Variants in GPC6 observed in about 807,000 individuals in gnomAD.
GPC6 encodes the protein glypican-6.
In GPC6, 14 loss-of-function variants were observed where a neutral mutation model predicts 55.2. The ratio of observed to expected loss-of-function variants is 0.25; its 90% CI spans 0.17 to 0.40. GPC6 has a LOEUF of 0.40. GPC6 is among the 10% of genes least tolerant of loss of function. GPC6 has a pLI of 1.00. For synonymous variants in GPC6, 278 were observed against 259.6 expected, an observed-to-expected ratio of 1.07 and a Z score of -0.68; for missense variants, 641 against 708.5, an observed-to-expected ratio of 0.90 and a Z score of 1.08.
At chr13:94,073,539 G>T (rs1282303265) in intron 4 of GPC6, among the ~76,000 whole-genome samples, 1 of 152,102 alleles carries the variant, frequency 6.6e-6, no homozygotes, top group Non-Finnish European at 1.5e-5. Flanking sequence ...CCATTTTAAT[G>T]TCCTCCCTCT....
chr13:93,324,694 G>T (rs1879589726), intron 1 of GPC6, among the ~76,000 whole-genome samples: 1 of 151,320 alleles, frequency 6.6e-6, no homozygotes, highest in Non-Finnish European at 1.5e-5. Flanking sequence ...TAAAAAGTGT[G>T]ACAGTTGAGC....
At chr13:94,300,325 A>C (rs775518097) in intron 5 of GPC6, among the ~76,000 whole-genome samples, 4 of 152,214 alleles carry the variant, frequency 2.6e-5, no homozygotes, top group Non-Finnish European at 4.4e-5. Context: ...AAGAGTGGGC[A>C]CCTTAGTTTA....
chr13:93,607,519 C>T (rs1318231174), intron 2 of GPC6, among the ~76,000 whole-genome samples: 2 of 152,118 alleles, frequency 1.3e-5, no homozygotes, highest in Non-Finnish European at 2.9e-5. Flanking sequence ...AATTTTCCTT[C>T]CTTGTATTCC....
chr13:93,506,131 A>T (rs1485775335), intron 1 of GPC6, among the ~76,000 whole-genome samples: 2 of 152,130 alleles, frequency 1.3e-5, no homozygotes, highest in Admixed American at 6.5e-5. Flanking sequence ...CTGGTTTGGT[A>T]TGTTAGCATA....
chr13:93,885,336 C>T (rs1875257410), intron 3 of GPC6, among the ~76,000 whole-genome samples: 1 of 149,794 alleles, frequency 6.7e-6, no homozygotes, highest in African/African-American at 2.5e-5. Flanking sequence ...ATTATTTTTG[C>T]TACCAGACAA....
intron 4 of GPC6, among the ~76,000 whole-genome samples, chr13:94,229,979 G>T (rs1200801185): frequency 6.6e-6 from 1 of 152,196 alleles, no homozygotes; most frequent in Non-Finnish European, 1.5e-5. Context: ...TGAACAGGAA[G>T]CCAGGGATGG....
intron 1 of GPC6, among the ~76,000 whole-genome samples, chr13:93,387,286 G>A (rs547557179): frequency 3.9e-5 from 6 of 152,104 alleles, no homozygotes; most frequent in South Asian, 2.1e-4. Context: ...TTTAAGGCCC[G>A]CATGCACCAG....
chr13:94,347,562 A>G (rs1021951059), intron 6 of GPC6, among the ~76,000 whole-genome samples: 1 of 152,210 alleles, frequency 6.6e-6, no homozygotes, highest in South Asian at 2.1e-4. Flanking sequence ...TGAATCCACT[A>G]GTATTTTTTA....
intron 4 of GPC6, among the ~76,000 whole-genome samples, chr13:94,168,875 A>T (rs1888462770): frequency 6.6e-6 from 1 of 152,092 alleles, no homozygotes; most frequent in Admixed American, 6.5e-5. Flanking sequence ...GCTGTGGGTA[A>T]GTAGGCCCTG....
At chr13:93,522,366 A>G (rs1293826932) in intron 1 of GPC6, among the ~76,000 whole-genome samples, 1 of 151,988 alleles carries the variant, frequency 6.6e-6, no homozygotes, top group African/African-American at 2.4e-5. Flanking sequence ...AATTCATTTC[A>G]TCATTAAGTT....
At chr13:93,330,844 C>T (rs931040074) in intron 1 of GPC6, among the ~76,000 whole-genome samples, 30 of 152,182 alleles carry the variant, frequency 2.0e-4, no homozygotes, top group African/African-American at 7.2e-4. Context: ...CAAATCCCAA[C>T]AAAATGATTG....
At chr13:93,783,584 ATC>A (rs1566533484) in intron 2 of GPC6, among the ~76,000 whole-genome samples, 4 of 151,922 alleles carry the variant, frequency 2.6e-5, no homozygotes, top group Non-Finnish European at 4.4e-5. Context: ...CTGTCTATCT[ATC>A]TATCTATCTA....
At position 93,328,849 on chromosome 13, in the gene GPC6, AGG is replaced by A. The variant is rs1338653373; in HGVS notation, c.160+101234_160+101235del. Reference sequence around the variant, plus strand: ...AGGACTGTGTAATATTGGAAAACTTAGGAATCTTCCCTCAAAAGTTGACCAAA... The same window carrying A: ...AGGACTGTGTAATATTGGAAAACTTAAATCTTCCCTCAAAAGTTGACCAAA... On this transcript the variant is annotated intron_variant, in intron 1 of 8. Transcript: ENST00000377047. Among the ~76,000 whole-genome samples the A allele has an allele frequency of 3.9e-5, 6 of 152,242 alleles. No homozygotes were observed. The East Asian group carries it at 1.2e-3, about 29-fold the overall frequency.
At chr13:94,323,334 T>C (rs978107032) in intron 6 of GPC6, among the ~76,000 whole-genome samples, 5 of 152,196 alleles carry the variant, frequency 3.3e-5, no homozygotes, top group Non-Finnish European at 5.9e-5. Flanking sequence ...ATCTGTAAAA[T>C]CTTATTTGTA....
the GPC6 span, among the ~76,000 whole-genome samples, chr13:93,219,662 T>C: frequency 0.02 from 3,109 of 152,308 alleles, 44 homozygotes; most frequent in Middle Eastern, 0.037. Context: ...TTGAAGTTAT[T>C]AGAAAACTTC....
chr13:94,043,809 TAG>T lies in GPC6; in HGVS notation c.877+15918_877+15919del, dbSNP rs562891925. Among the ~76,000 whole-genome samples, 471 of 151,950 alleles carry T rather than the reference TAG, an allele frequency of 3.1e-3. 4 individuals are homozygous for T. The highest frequency in any genetic ancestry group is 0.011 in the African/African-American group (465 of 41,502). ...GACCAGCGAGAGCACAGTATTTCTGTAGAGTTTATTTTGCCTTTAGGTTTGTG... is the reference window on the plus strand; with the variant it reads ...GACCAGCGAGAGCACAGTATTTCTGTAGTTTATTTTGCCTTTAGGTTTGTG... On this transcript the variant is annotated intron_variant, in intron 4 of 8. Coordinates refer to ENST00000377047, the MANE Select transcript of GPC6 (RefSeq NM_005708.5).
intron 1 of GPC6, among the ~76,000 whole-genome samples, chr13:93,240,442 A>T (rs1353252368): frequency 6.6e-6 from 1 of 151,920 alleles, no homozygotes; most frequent in Non-Finnish European, 1.5e-5. Flanking sequence ...GATTTATCTG[A>T]TATAAGAATG....
chr13:93,368,444 A>C (rs2034410581), intron 1 of GPC6, among the ~76,000 whole-genome samples: 1 of 147,636 alleles, frequency 6.8e-6, no homozygotes, highest in African/African-American at 2.6e-5. Context: ...TATTAGGAAG[A>C]CTGAAATGAT....
At chr13:94,220,108 A>T (rs1423003659) in intron 4 of GPC6, among the ~76,000 whole-genome samples, 1 of 152,158 alleles carries the variant, frequency 6.6e-6, no homozygotes, top group Admixed American at 6.5e-5. Context: ...GCAGAGCCAC[A>T]AAAAGAAGAG....
Sources: allele counts gnomAD v4.1 joint callset (sites outside exome capture counted in the v4.1 genomes callset), GRCh38; gene constraint gnomAD v4.1.1; transcripts MANE v1.5; gene names NCBI Gene and HGNC (gene_info 2026-07-23, HGNC 2026-07-21).